Variants in ASNS observed in about 807,000 individuals in gnomAD.
ASNS encodes asparagine synthetase (glutamine-hydrolyzing), also known as asparagine synthetase [glutamine-hydrolyzing].
ASNS carries 37 observed loss-of-function variants against 62.6 expected under a neutral mutation model. The ratio of observed to expected loss-of-function variants is 0.59; its 90% confidence interval spans 0.45 to 0.78. The LOEUF is 0.78. ASNS is among the 30% of genes least tolerant of loss of function. The pLI, the probability that ASNS is intolerant of heterozygous loss-of-function variation, is 0.00. For missense variants in ASNS, 520 were observed against 682.4 expected, an observed-to-expected ratio of 0.76 and a Z score of 2.65; for synonymous variants, 207 against 237.9, an observed-to-expected ratio of 0.87 and a Z score of 1.19.
chr7:97,870,055 G>T, intron 1 of ASNS: 1 of 277,436 alleles, frequency 3.6e-6, no homozygotes, highest in Non-Finnish European at 6.7e-6. Flanking sequence ...AAGCCCGGAA[G>T]CAAATAAATC....
At chr7:97,877,835 G>A in the ASNS span, among the ~76,000 whole-genome samples, 1 of 152,222 alleles carries the variant, frequency 6.6e-6, no homozygotes, top group Non-Finnish European at 1.5e-5. Context: ...CAAAGCAAGT[G>A]TGACCATAAT....
Position 97,853,102 on chromosome 7 carries a change from C to T in ASNS, c.1434G>A (p.Lys478=), listed in dbSNP as rs1224112605. The T allele has an allele frequency of 1.9e-6, 3 of 1,600,310 alleles. No individual in the cohort carries two copies. In the Admixed American group the frequency reaches 5.3e-5, roughly 28 times the overall value. Residue 478 remains lysine (K), a synonymous_variant, in exon 12 of 13, where the codon AAG becomes AAA. Coordinates refer to ENST00000394308, the MANE Select transcript of ASNS (RefSeq NM_001673.5). The part of the protein sequence containing the change: ...EAFSDGITSV[K]NSWFKILQEY... ...CCTGTAAAATCTTAAACCAGGAATT[C>T]TTAACTGAAGTTATTCCATCACTGA...
chr7:97,881,816 GGAT>G, the ASNS span, among the ~76,000 whole-genome samples: 21 of 152,224 alleles, frequency 1.4e-4, no homozygotes, highest in Admixed American at 1.2e-3. Context: ...GACTGTTTGT[GGAT>G]GCCTAGCAGG....
the ASNS span, among the ~76,000 whole-genome samples, chr7:97,887,298 T>C: frequency 1.2e-3 from 179 of 152,332 alleles, no homozygotes; most frequent in African/African-American, 4.2e-3. Context: ...TTGCCTGGGC[T>C]GCAGCCAGAA....
Position 97,852,016 on chromosome 7 carries a change from C to G in ASNS, c.*243G>C. The G allele has an allele frequency of 2.0e-6, 1 of 505,680 alleles. No homozygotes were observed. The highest frequency in any genetic ancestry group is 3.6e-6 in the Non-Finnish European group (1 of 281,566). The allele number at this position is 505,680 out of a possible 1,614,324, so 31.3% of individuals were successfully genotyped here. On this transcript the variant is annotated 3_prime_UTR_variant, in exon 13 of 13. Transcript: ENST00000394308. Reference sequence around the variant, plus strand: ...GAGGGCTGTGAGTTCTTGCAGACATCTGATCATTTTCCCTTTTCCTAGCTT... The same window carrying G: ...GAGGGCTGTGAGTTCTTGCAGACATGTGATCATTTTCCCTTTTCCTAGCTT...
chr7:97,879,095 G>A, the ASNS span, among the ~76,000 whole-genome samples: 26,950 of 152,060 alleles, frequency 0.18, 4,477 homozygotes, highest in African/African-American at 0.45. Flanking sequence ...CTAGCCATAT[G>A]TAGAAAGCTG....
chr7:97,864,867 A>G (rs562340890), intron 3 of ASNS, among the ~76,000 whole-genome samples: 1 of 152,314 alleles, frequency 6.6e-6, no homozygotes, highest in East Asian at 1.9e-4. Context: ...TGGAACCAGA[A>G]GTGTTTTGTG....
chr7:97,874,009 G>C (rs1483347356), upstream of ASNS, among the ~76,000 whole-genome samples: 4 of 152,038 alleles, frequency 2.6e-5, no homozygotes, highest in Non-Finnish European at 5.9e-5. Flanking sequence ...GAGATCAACC[G>C]GTCTGACCAA....
the ASNS span, among the ~76,000 whole-genome samples, chr7:97,926,551 T>C: frequency 6.6e-6 from 1 of 152,128 alleles, no homozygotes; most frequent in Non-Finnish European, 1.5e-5. Context: ...AGTATTCCCA[T>C]AGAAACTAAA....
At chr7:97,900,148 C>T in the ASNS span, among the ~76,000 whole-genome samples, 1 of 149,764 alleles carries the variant, frequency 6.7e-6, no homozygotes, top group Non-Finnish European at 1.5e-5. Flanking sequence ...TCACCTGAGG[C>T]CAGGAGTGTG....
At chr7:97,926,763 C>T in the ASNS span, among the ~76,000 whole-genome samples, 1 of 152,166 alleles carries the variant, frequency 6.6e-6, no homozygotes, top group Non-Finnish European at 1.5e-5. Context: ...TCAGGTCATG[C>T]GATTCCCATT....
At chr7:97,890,938 C>A in the ASNS span, among the ~76,000 whole-genome samples, 1 of 151,992 alleles carries the variant, frequency 6.6e-6, no homozygotes, top group Non-Finnish European at 1.5e-5. Context: ...TTCAGACACA[C>A]AAAGAAGAAA....
chr7:97,878,723 G>A, the ASNS span, among the ~76,000 whole-genome samples: 1 of 152,244 alleles, frequency 6.6e-6, no homozygotes, highest in South Asian at 2.1e-4. Flanking sequence ...ACTGCCCAAG[G>A]TAATTTATAG....
intron 4 of ASNS, 66 bp downstream of exon 4, chr7:97,864,193 A>G (rs1013683828): frequency 4.4e-5 from 62 of 1,417,494 alleles, no homozygotes; most frequent in Non-Finnish European, 5.9e-5. Context: ...AGATTTTCAA[A>G]TATAATTTAA....
chr7:97,916,121 G>A, the ASNS span, among the ~76,000 whole-genome samples: 3 of 152,118 alleles, frequency 2.0e-5, no homozygotes, highest in East Asian at 5.8e-4. Flanking sequence ...GGTGGCTCAC[G>A]CCTGTAATCC....
the ASNS span, among the ~76,000 whole-genome samples, chr7:97,918,552 T>C: frequency 6.6e-6 from 1 of 152,248 alleles, no homozygotes; most frequent in Non-Finnish European, 1.5e-5. Flanking sequence ...ACATGCTGCC[T>C]GAAAAGCAGG....
At chr7:97,876,080 C>G (rs969305261), upstream of ASNS, among the ~76,000 whole-genome samples, 12 of 152,270 alleles carry the variant, frequency 7.9e-5, 1 homozygote, top group South Asian at 1.9e-3. Context: ...TGGTCTGGAA[C>G]TCCTGACCTC....
chr7:97,864,708 A>G (rs760757241), intron 3 of ASNS, among the ~76,000 whole-genome samples: 1 of 152,190 alleles, frequency 6.6e-6, no homozygotes, highest in Non-Finnish European at 1.5e-5. Flanking sequence ...TGAAAATTTT[A>G]GTTGCAGTCT....
At chr7:97,890,355 C>T in the ASNS span, among the ~76,000 whole-genome samples, 1 of 151,984 alleles carries the variant, frequency 6.6e-6, no homozygotes, top group Admixed American at 6.6e-5. Flanking sequence ...AAATACAACT[C>T]AAAAAGGTCT....
Sources: allele counts gnomAD v4.1 joint callset (sites outside exome capture counted in the v4.1 genomes callset), GRCh38; gene constraint gnomAD v4.1.1; transcripts MANE v1.5; gene names NCBI Gene and HGNC (gene_info 2026-07-23, HGNC 2026-07-21).